Variants in PGRMC2 observed in about 807,000 individuals in gnomAD.
PGRMC2 encodes membrane-associated progesterone receptor component 2.
PGRMC2 carries 9 observed loss-of-function variants against 19.3 expected under a neutral mutation model. The ratio of observed to expected loss-of-function variants is 0.47; its 90% CI spans 0.28 to 0.81. The LOEUF (loss-of-function observed/expected upper bound fraction) is 0.81, where lower values mean the gene tolerates loss of function less well. Ranked by LOEUF, PGRMC2 falls within the 40% of genes least tolerant of loss-of-function variation. PGRMC2 has a pLI of 0.11. For synonymous variants in PGRMC2, 157 were observed against 124.6 expected, an observed-to-expected ratio of 1.26 and a Z score of -1.73; for missense variants, 289 against 297.3, an observed-to-expected ratio of 0.97 and a Z score of 0.21.
chr4:128,273,391 T>TC (rs1032002500), intron 1 of PGRMC2, among the ~76,000 whole-genome samples: 4 of 152,156 alleles, frequency 2.6e-5, no homozygotes, highest in African/African-American at 7.2e-5. Flanking sequence ...AGCAATTTGT[T>TC]CATCAATTGA....
chr4:128,286,094 T>A (rs377356279), intron 1 of PGRMC2, among the ~76,000 whole-genome samples: 6 of 95,186 alleles, frequency 6.3e-5, no homozygotes, highest in Non-Finnish European at 8.9e-5. Flanking sequence ...AAGTATATAT[T>A]TTTAAGTGTC....
chr4:128,276,160 A>G (rs1456393145), intron 1 of PGRMC2, among the ~76,000 whole-genome samples: 1 of 152,232 alleles, frequency 6.6e-6, no homozygotes, highest in Non-Finnish European at 1.5e-5. Flanking sequence ...TTATCTGAAA[A>G]GTCAGCAATA....
intron 1 of PGRMC2, among the ~76,000 whole-genome samples, chr4:128,281,473 T>C (rs1760909600): frequency 6.6e-6 from 1 of 150,996 alleles, no homozygotes; most frequent in Non-Finnish European, 1.5e-5. Context: ...TCCAAATCAG[T>C]AGAGGAGAGA....
In PGRMC2 at chr4:128,287,800, C is replaced by A; in HGVS notation, c.-10G>T. 2.0e-6 allele frequency: 3 copies of A among 1,511,388 alleles called. No homozygotes were observed. Among genetic ancestry groups the A allele is most frequent in the Non-Finnish European group, 2.7e-6 (3 of 1,110,852 alleles). The allele number at this position is 1,511,388 out of a possible 1,614,324, so 93.6% of individuals were successfully genotyped here. On this transcript the variant is annotated 5_prime_UTR_variant, in exon 1 of 3. Coordinates refer to ENST00000296425, the MANE Select transcript of PGRMC2 (RefSeq NM_006320.6). The stretch of plus-strand genomic sequence containing the variant: ...CATCACCAGCCGCCATCACTGCCCG[C>A]CAGCGCCTTCCTCCTCCTCCCCGCC...
intron 1 of PGRMC2, among the ~76,000 whole-genome samples, chr4:128,273,587 T>C (rs1479760167): frequency 6.6e-6 from 1 of 152,132 alleles, no homozygotes; most frequent in Non-Finnish European, 1.5e-5. Flanking sequence ...ACAGGGCTTA[T>C]AAATAAAAGA....
rs1561619608 is a variant in PGRMC2, at chr4:128,287,533, C to T, written c.258G>A (p.Ala86=). 1.3e-6 allele frequency: 2 copies of T among 1,569,386 alleles called. No homozygotes were observed. The highest frequency in any genetic ancestry group is 1.7e-6 in the Non-Finnish European group (2 of 1,158,614). ...GAGAGGTGGCGGGGCTCTCCTCGCC[C>T]GCCCCGGCCCCGGCCCCCAGACCCC... The part of the protein sequence containing the change: ...GRRGLGAGAG[A]GEESPATSLP... The change falls in exon 1 of 3, where the codon GCG becomes GCA. Residue 86 remains alanine, a synonymous_variant. Coordinates refer to ENST00000296425, the MANE Select transcript of PGRMC2 (RefSeq NM_006320.6).
chr4:128,278,023 C>T (rs1050089340), intron 1 of PGRMC2, among the ~76,000 whole-genome samples: 2 of 152,138 alleles, frequency 1.3e-5, no homozygotes, highest in Admixed American at 6.5e-5. Context: ...CTGTCAAAAG[C>T]GCTCAGCAAC....
intron 1 of PGRMC2, among the ~76,000 whole-genome samples, chr4:128,285,251 C>T (rs977652969): frequency 4.6e-5 from 7 of 152,126 alleles, no homozygotes; most frequent in South Asian, 2.1e-4. Context: ...CTCCGCCTCC[C>T]GAGTAGCTGG....
chr4:128,284,089 G>A (rs1288798030), intron 1 of PGRMC2, among the ~76,000 whole-genome samples: 6 of 152,002 alleles, frequency 3.9e-5, no homozygotes, highest in African/African-American at 9.7e-5. Context: ...GGGATTACAC[G>A]CGTGAGCCAC....
rs1232550675 is a variant in PGRMC2, at chr4:128,287,389, G to C, written c.402C>G (p.Ser134Arg). 1.1e-5 allele frequency: 18 copies of C among 1,602,744 alleles called. No homozygotes were observed. The highest frequency in any genetic ancestry group is 1.5e-5 in the Non-Finnish European group (18 of 1,171,266). Reference sequence around the variant, plus strand: ...ACTCCTCACCCGGGCCGTAGAACTTGCTGCCTTTGGTCACGTCGAAGACTT... The same window carrying C: ...ACTCCTCACCCGGGCCGTAGAACTTCCTGCCTTTGGTCACGTCGAAGACTT... ...NGKVFDVTKG[S>R]KFYGPAGPYG... The change falls in exon 1 of 3, where the codon AGC (serine) becomes AGG (arginine). Residue 134 changes from serine to arginine, a missense_variant. Transcript: ENST00000296425.
chr4:128,276,565 C>T lies in PGRMC2; in HGVS notation c.419-4048G>A, dbSNP rs148521765. ...CTTGAACTCCTGACCTCAGGTGATC[C>T]GCCTACCTCAACCTCCCACAGTGCT... is the stretch of plus-strand genomic sequence containing the variant. On this transcript the variant is annotated intron_variant, in intron 1 of 2. Transcript: ENST00000296425. Among the ~76,000 whole-genome samples, 444 of 152,238 alleles carry T rather than the reference C, an allele frequency of 2.9e-3. 2 individuals carry two copies. Among genetic ancestry groups the T allele is most frequent in the African/African-American group, 0.01 (421 of 41,560 alleles).
intron 1 of PGRMC2, among the ~76,000 whole-genome samples, chr4:128,274,725 T>C (rs1342561031): frequency 2.6e-5 from 4 of 152,066 alleles, no homozygotes; most frequent in Non-Finnish European, 5.9e-5. Context: ...TTACCCTTAA[T>C]GCTGACTAGA....
intron 1 of PGRMC2, among the ~76,000 whole-genome samples, chr4:128,273,550 T>C (rs1433583675): frequency 6.6e-6 from 1 of 152,136 alleles, no homozygotes; most frequent in Non-Finnish European, 1.5e-5. Context: ...GACACTATTA[T>C]GAACAACAAC....
intron 1 of PGRMC2, among the ~76,000 whole-genome samples, chr4:128,281,672 G>A (rs1368110266): frequency 1.3e-5 from 2 of 152,136 alleles, no homozygotes; most frequent in African/African-American, 4.8e-5. Context: ...AAAAAATCCA[G>A]CTATATGTCA....
intron 1 of PGRMC2, 153 bp downstream of exon 1, chr4:128,287,219 CG>C (rs1263092028): frequency 8.1e-6 from 6 of 744,194 alleles, no homozygotes; most frequent in Non-Finnish European, 1.3e-5. Flanking sequence ...TGTGTAGGGG[CG>C]GGATGGGCCG....
At chr4:128,280,178 C>A (rs1377070772) in intron 1 of PGRMC2, among the ~76,000 whole-genome samples, 5 of 151,380 alleles carry the variant, frequency 3.3e-5, no homozygotes, top group South Asian at 2.1e-4. Context: ...ATAACAGATA[C>A]AGAAGCAGAT....
chr4:128,274,870 TTC>T (rs1478911883), intron 1 of PGRMC2, among the ~76,000 whole-genome samples: 1 of 152,218 alleles, frequency 6.6e-6, no homozygotes, highest in Non-Finnish European at 1.5e-5. Context: ...AACCTCACTT[TTC>T]TCTCTCAGAG....
chr4:128,275,358 C>T (rs539528912), intron 1 of PGRMC2, among the ~76,000 whole-genome samples: 1 of 151,942 alleles, frequency 6.6e-6, no homozygotes, highest in South Asian at 2.1e-4. Flanking sequence ...TAATATATAC[C>T]AGTGCATTCT....
In PGRMC2 at chr4:128,269,246, G is replaced by A. The variant is rs1047423652; in HGVS notation, c.*2070C>T. Reference sequence around the variant, plus strand: ...ATGAGAAACATTCAACTGAAGTTGAGGAATTATCTACAGAACACTGTTTAT... The same window carrying A: ...ATGAGAAACATTCAACTGAAGTTGAAGAATTATCTACAGAACACTGTTTAT... On this transcript the variant is annotated 3_prime_UTR_variant, in exon 3 of 3. Transcript: ENST00000296425. 4 of 152,120 alleles carry A rather than the reference G, an allele frequency of 2.6e-5. No individual in the cohort carries two copies. The highest frequency in any genetic ancestry group is 9.6e-5 in the African/African-American group (4 of 41,492). The allele number at this position is 152,120 out of a possible 1,614,324, so 9.4% of individuals were successfully genotyped here. A position where few individuals can be genotyped will look rare whatever the true frequency, so the allele number is the denominator to read the frequency against.
Sources: gnomAD v4.1 joint callset for allele counts (sites outside exome capture counted in the v4.1 genomes callset) on GRCh38, gnomAD v4.1.1 for gene constraint, MANE v1.5 for transcripts, NCBI Gene and HGNC (gene_info 2026-07-23, HGNC 2026-07-21) for gene names.